The following RAD50 variants were observed in gnomAD, a reference collection of about 807,000 sequenced individuals.
RAD50 encodes the protein RAD50 double strand break repair protein.
Under a neutral mutation model 168.8 loss-of-function variants are expected in RAD50, and 132 were observed. That is an observed-to-expected ratio of 0.78 (90% CI 0.68 to 0.90). The LOEUF (loss-of-function observed/expected upper bound fraction) is 0.90. Among genes scored for constraint, RAD50 ranks in the 40% least tolerant of loss-of-function variants. The pLI, the probability that RAD50 is intolerant of heterozygous loss-of-function variation, is 0.00. For missense variants in RAD50, 1,347 were observed against 1,534.4 expected, an observed-to-expected ratio of 0.88 and a Z score of 2.04; for synonymous variants, 525 against 497.4, an observed-to-expected ratio of 1.06 and a Z score of -0.74.
chr5:132,617,199 G>T (rs1751194572), intron 20 of RAD50, among the ~76,000 whole-genome samples: 1 of 152,164 alleles, frequency 6.6e-6, no homozygotes, highest in African/African-American at 2.4e-5. Flanking sequence ...GCTTCTAGAA[G>T]AAATTTTGAT....
At chr5:132,590,995 C>G (rs1256564898) in intron 9 of RAD50, among the ~76,000 whole-genome samples, 2 of 152,156 alleles carry the variant, frequency 1.3e-5, no homozygotes, top group African/African-American at 4.8e-5. Flanking sequence ...TCCTGTTTGA[C>G]CCTTCTAGGT....
chr5:132,637,257 C>G, intron 22 of RAD50, 57 bp downstream of exon 22: 3 of 1,572,370 alleles, frequency 1.9e-6, no homozygotes, highest in Non-Finnish European at 2.6e-6. Flanking sequence ...GCAGCTCTTC[C>G]CCTTATGACC....
At chr5:132,625,438 C>T (rs142296762) in intron 21 of RAD50, among the ~76,000 whole-genome samples, 170 of 152,164 alleles carry the variant, frequency 1.1e-3, no homozygotes, top group Non-Finnish European at 1.7e-3. Context: ...GCTATATAGC[C>T]GGTATATTTA....
At chr5:132,611,478 G>T (rs1253188930) in intron 19 of RAD50, among the ~76,000 whole-genome samples, 1 of 151,976 alleles carries the variant, frequency 6.6e-6, no homozygotes, top group East Asian at 1.9e-4. Flanking sequence ...GGCCAAGGCG[G>T]GCAGATCACG....
intron 13 of RAD50, among the ~76,000 whole-genome samples, chr5:132,599,451 A>T (rs1750847863): frequency 1.3e-5 from 2 of 152,332 alleles, no homozygotes; most frequent in Admixed American, 6.5e-5. Flanking sequence ...GTTTGGGACA[A>T]ATGAGAGAGG....
At chr5:132,559,831 A>G (rs1369669670) in intron 2 of RAD50, among the ~76,000 whole-genome samples, 4 of 152,174 alleles carry the variant, frequency 2.6e-5, no homozygotes, top group Non-Finnish European at 5.9e-5. Flanking sequence ...ACTCCCAGAT[A>G]GCTCTAGAGG....
chr5:132,627,527 A>AT lies in RAD50; in HGVS notation c.3389+9234dup, dbSNP rs575765250. On this transcript the variant is annotated intron_variant, in intron 21 of 24. Transcript: ENST00000378823. ...GAGAAGGGAGCAAGATATGCAAAAA[A>AT]TGGGGTGCAGGCGTTCCAGGTAGAG... 1.0e-3 allele frequency among the ~76,000 whole-genome samples: 152 copies of AT among 152,294 alleles called. No homozygotes were observed. The Middle Eastern group carries it at 0.01, about 10-fold the overall frequency.
rs1750671932 is a variant in RAD50, at chr5:132,590,089, C to T, written c.1452+252C>T. ...CTCAGACCTTAAAGCTTCAGACCTT[C>T]CAAATCAAAATCTCTGAGAATGGGG... On this transcript the variant is annotated intron_variant, in intron 9 of 24. Coordinates refer to ENST00000378823, the MANE Select transcript of RAD50 (RefSeq NM_005732.4). Among the ~76,000 whole-genome samples the T allele has an allele frequency of 2.6e-5, 4 of 152,154 alleles. No homozygotes were observed. The South Asian group carries it at 8.3e-4, about 32-fold the overall frequency.
At chr5:132,579,532 C>T (rs754322122) in intron 4 of RAD50, 30 bp downstream of exon 4, 33 of 1,584,592 alleles carry the variant, frequency 2.1e-5, no homozygotes, top group Non-Finnish European at 2.7e-5. Flanking sequence ...ACTTTGTAGT[C>T]CATTAAGTTA....
At chr5:132,611,668 T>A (rs1403481662) in intron 19 of RAD50, among the ~76,000 whole-genome samples, 1 of 139,864 alleles carries the variant, frequency 7.1e-6, no homozygotes, top group Non-Finnish European at 1.5e-5. Flanking sequence ...ATCGCACCAC[T>A]GCACTCCAGC....
intron 11 of RAD50, chr5:132,592,747 T>C (rs1266466409): frequency 4.5e-6 from 2 of 448,246 alleles, no homozygotes; most frequent in East Asian, 7.1e-5. Context: ...ATTGCTTTCA[T>C]TGTGCTTTGT....
Position 132,594,896 on chromosome 5 carries a change from T to C in RAD50, c.1821T>C (p.Asn607=), listed in dbSNP as rs876660848. ...LNKELASSEQ[N]KNHINNELKR... ...AGGAACTAGCTTCATCTGAGCAGAA[T>C]AAAAATCATATAAATAATGAACTAA... is the stretch of plus-strand genomic sequence containing the variant. Residue 607 remains asparagine (N), a synonymous_variant, in exon 12 of 25, where the codon AAT becomes AAC. Coordinates refer to ENST00000378823, the MANE Select transcript of RAD50 (RefSeq NM_005732.4). 2.5e-6 allele frequency: 4 copies of C among 1,605,294 alleles called. No homozygotes were observed. Among genetic ancestry groups the C allele is most frequent in the Non-Finnish European group, 2.6e-6 (3 of 1,172,082 alleles).
chr5:132,626,288 A>G (rs982128381), intron 21 of RAD50, among the ~76,000 whole-genome samples: 7 of 152,098 alleles, frequency 4.6e-5, no homozygotes, highest in Non-Finnish European at 2.9e-5. Context: ...CAACCTAATG[A>G]TTTCATTTCC....
chr5:132,640,365 T>C (rs575644154), intron 23 of RAD50, among the ~76,000 whole-genome samples: 1 of 152,344 alleles, frequency 6.6e-6, no homozygotes, highest in Admixed American at 6.5e-5. Context: ...AATGGCATTG[T>C]CTCTGTTTCT....
intron 13 of RAD50, among the ~76,000 whole-genome samples, chr5:132,602,771 A>G (rs1184508318): frequency 4.6e-5 from 7 of 152,148 alleles, no homozygotes; most frequent in Admixed American, 3.9e-4. Flanking sequence ...TTTTCCATCA[A>G]TGCCTTTTCT....
At position 132,592,030 on chromosome 5, in the gene RAD50, T is replaced by C. The variant is rs966088598; in HGVS notation, c.1789T>C (p.Leu597=). The C allele has an allele frequency of 6.2e-7, 1 of 1,610,168 alleles. No individual in the cohort carries two copies. Among genetic ancestry groups the C allele is most frequent in the Non-Finnish European group, 8.5e-7 (1 of 1,176,712 alleles). ...TCAGACCAGGGACAGACTTGCCAAA[T>C]TGAAGTAAGTTGCAACATTTGGAGA... ...INQTRDRLAK[L]NKELASSEQN... Residue 597 remains leucine, a synonymous_variant, in exon 11 of 25, where the codon TTG becomes CTG. Coordinates refer to ENST00000378823, the MANE Select transcript of RAD50 (RefSeq NM_005732.4).
intron 21 of RAD50, among the ~76,000 whole-genome samples, chr5:132,631,281 G>A (rs6873897): frequency 0.19 from 29,499 of 151,640 alleles, 2,979 homozygotes; most frequent in Middle Eastern, 0.24. Flanking sequence ...CCACCACACC[G>A]GCTAATTTTT....
intron 13 of RAD50, among the ~76,000 whole-genome samples, chr5:132,602,216 T>TA (rs1228139587): frequency 6.6e-6 from 1 of 152,224 alleles, no homozygotes; most frequent in Non-Finnish European, 1.5e-5. Flanking sequence ...TTTGCATTTT[T>TA]AAAAAATCAT....
rs1554101324 is a variant in RAD50, at chr5:132,642,222, T to TA, written c.3799dup (p.Ile1267AsnfsTer4). 3.1e-6 allele frequency: 5 copies of TA among 1,614,082 alleles called. No individual in the cohort carries two copies. Among genetic ancestry groups the TA allele is most frequent in the Non-Finnish European group, 4.2e-6 (5 of 1,180,026 alleles). ...CAGCAGCGTAACTTCCAGCTTCTGGTAATCACTCATGATGAAGATTTTGTG... is the reference window on the plus strand; with the variant it reads ...CAGCAGCGTAACTTCCAGCTTCTGGTAAATCACTCATGATGAAGATTTTGTG... On this transcript the variant is annotated frameshift_variant, in exon 25 of 25. Transcript: ENST00000378823. LOFTEE classifies it high-confidence loss of function.
Sources: allele counts gnomAD v4.1 joint callset (sites outside exome capture counted in the v4.1 genomes callset), GRCh38; gene constraint gnomAD v4.1.1; transcripts MANE v1.5; gene names NCBI Gene and HGNC (gene_info 2026-07-23, HGNC 2026-07-21).